Variants in KCTD1 observed in about 807,000 individuals in gnomAD.
KCTD1 encodes BTB/POZ domain-containing protein KCTD1.
A neutral mutation model predicts 66.0 loss-of-function variants in KCTD1; 24 were observed. The ratio of observed to expected loss-of-function variants is 0.36; its 90% CI spans 0.26 to 0.51. The LOEUF is 0.51. Ranked by LOEUF, KCTD1 falls within the 20% of genes least tolerant of loss-of-function variation. KCTD1 has a pLI of 0.95. For synonymous variants in KCTD1, 511 were observed against 517.2 expected, an observed-to-expected ratio of 0.99 and a Z score of 0.16; for missense variants, 943 against 1,205.2, an observed-to-expected ratio of 0.78 and a Z score of 3.22.
At chr18:26,514,461 G>A (rs897123856) in intron 1 of KCTD1, among the ~76,000 whole-genome samples, 6 of 150,026 alleles carry the variant, frequency 4.0e-5, no homozygotes, top group Admixed American at 6.8e-5. Context: ...GAAACAGGAG[G>A]ACTACGTAAG....
upstream of KCTD1, among the ~76,000 whole-genome samples, chr18:26,631,822 G>A (rs1987624836): frequency 6.6e-6 from 1 of 152,080 alleles, no homozygotes; most frequent in Non-Finnish European, 1.5e-5. Flanking sequence ...GCCGAGGCGG[G>A]CGGATCACGA....
chr18:26,502,472 C>T (rs931297474), intron 1 of KCTD1, among the ~76,000 whole-genome samples: 1 of 152,166 alleles, frequency 6.6e-6, no homozygotes, highest in East Asian at 1.9e-4. Flanking sequence ...GGATTACAGG[C>T]GTGAACCACC....
At chr18:26,501,448 T>C (rs1281261395) in intron 1 of KCTD1, among the ~76,000 whole-genome samples, 198 bp from the exon 2 acceptor site, 1 of 152,192 alleles carries the variant, frequency 6.6e-6, no homozygotes, top group Non-Finnish European at 1.5e-5. Context: ...AATCTTCACA[T>C]GCTCAGAAAT....
chr18:26,590,962 C>T (rs1485410906), intron 1 of KCTD1, among the ~76,000 whole-genome samples: 1 of 152,092 alleles, frequency 6.6e-6, no homozygotes, highest in Non-Finnish European at 1.5e-5. Context: ...ACCAGGAATG[C>T]TTATTACTTA....
chr18:26,591,060 A>G (rs1185267656), intron 1 of KCTD1, among the ~76,000 whole-genome samples: 1 of 152,126 alleles, frequency 6.6e-6, no homozygotes, highest in East Asian at 1.9e-4. Flanking sequence ...CAATTGAGTC[A>G]GGGTCTTGCT....
At chr18:26,618,104 AAAC>A (rs1446169011) in intron 1 of KCTD1, among the ~76,000 whole-genome samples, 3 of 151,682 alleles carry the variant, frequency 2.0e-5, no homozygotes, top group African/African-American at 4.8e-5. Context: ...GTTTAAAAAA[AAAC>A]AAAAAAGACT....
chr18:26,604,306 T>A (rs940048709), intron 1 of KCTD1, among the ~76,000 whole-genome samples: 2 of 152,208 alleles, frequency 1.3e-5, no homozygotes, highest in Non-Finnish European at 2.9e-5. Flanking sequence ...ACTTACATAC[T>A]GGTGAGAGTT....
At chr18:26,656,986 G>C (rs936132437) in intron 1 of KCTD1, among the ~76,000 whole-genome samples, 1 of 149,546 alleles carries the variant, frequency 6.7e-6, no homozygotes, top group Non-Finnish European at 1.5e-5. Context: ...GCTCTGGCAC[G>C]GGCTCCCAGA....
intron 1 of KCTD1, among the ~76,000 whole-genome samples, chr18:26,516,458 A>T (rs1983661674): frequency 6.6e-6 from 1 of 152,122 alleles, no homozygotes; most frequent in South Asian, 2.1e-4. Context: ...AATCTGAAAG[A>T]TCCCTCTCTG....
chr18:26,556,096 A>G (rs558210054), intron 1 of KCTD1, among the ~76,000 whole-genome samples: 1 of 152,216 alleles, frequency 6.6e-6, no homozygotes, highest in Non-Finnish European at 1.5e-5. Context: ...TAATTGACTT[A>G]CTTTTTCTTA....
intron 1 of KCTD1, chr18:26,599,601 GT>G: frequency 6.7e-7 from 1 of 1,494,984 alleles, no homozygotes; most frequent in Non-Finnish European, 9.3e-7. Flanking sequence ...ATTTTGTCGG[GT>G]TTAGTCCCGG....
At chr18:26,538,308 A>C (rs1284647318) in intron 1 of KCTD1, among the ~76,000 whole-genome samples, 1 of 152,178 alleles carries the variant, frequency 6.6e-6, no homozygotes, top group African/African-American at 2.4e-5. Flanking sequence ...GGGTCTGCAG[A>C]ACTAAGTTAG....
At chr18:26,559,462 G>C (rs980958662) in intron 1 of KCTD1, among the ~76,000 whole-genome samples, 1 of 152,246 alleles carries the variant, frequency 6.6e-6, no homozygotes, top group African/African-American at 2.4e-5. Flanking sequence ...GATTCAGCCA[G>C]TCTGGGGTGG....
rs376331455 is a variant in KCTD1 at position 26,525,490 on chromosome 18, A to C, written c.1809+21238T>G. Among the ~76,000 whole-genome samples, 152 of 152,230 alleles carry C rather than the reference A, an allele frequency of 1.0e-3. 3 individuals carry two copies. Among genetic ancestry groups the C allele is most frequent in the Middle Eastern group, 3.4e-3 (1 of 294 alleles). On this transcript the variant is annotated intron_variant, in intron 1 of 4. Coordinates refer to ENST00000580059, the MANE Select transcript of KCTD1 (RefSeq NM_001142730.3). ...ACCCCCTTCTCTGCAGCCAAGTCAA[A>C]CTGAACTAACTTGGTGTTTCCCAAA...
At chr18:26,602,055 T>G (rs1986911496) in intron 1 of KCTD1, among the ~76,000 whole-genome samples, 1 of 152,166 alleles carries the variant, frequency 6.6e-6, no homozygotes, top group Non-Finnish European at 1.5e-5. Context: ...GAACAGACAT[T>G]CTTCTTGTGT....
intron 1 of KCTD1, among the ~76,000 whole-genome samples, chr18:26,538,196 G>A (rs1014516787): frequency 1.3e-5 from 2 of 152,062 alleles, no homozygotes; most frequent in East Asian, 1.9e-4. Flanking sequence ...GCAGTGAGCC[G>A]AGATCGCACC....
At chr18:26,514,545 GTC>G (rs202056310) in intron 1 of KCTD1, among the ~76,000 whole-genome samples, 1,359 of 65,680 alleles carry the variant, frequency 0.021, 31 homozygotes, top group Non-Finnish European at 0.03. Context: ...GTGAGACCTT[GTC>G]TCAAAAAAAA....
chr18:26,651,819 AG>A (rs1232842735), intron 1 of KCTD1, among the ~76,000 whole-genome samples: 96 of 151,268 alleles, frequency 6.3e-4, no homozygotes, highest in African/African-American at 2.3e-3. Context: ...AAGAAGAAGA[AG>A]AAGGTAAAGT....
intron 1 of KCTD1, among the ~76,000 whole-genome samples, chr18:26,567,488 G>GTT (rs201110977): frequency 0.031 from 3,538 of 112,706 alleles, 70 homozygotes; most frequent in Middle Eastern, 0.08. Context: ...TGTTGTTGTT[G>GTT]TTTTTTTTTT....
Sources: gnomAD v4.1 joint callset for allele counts (sites outside exome capture counted in the v4.1 genomes callset) on GRCh38, gnomAD v4.1.1 for gene constraint, MANE v1.5 for transcripts, NCBI Gene and HGNC (gene_info 2026-07-23, HGNC 2026-07-21) for gene names.